The following ZFAT variants were observed in gnomAD, a reference collection of about 807,000 sequenced individuals.
ZFAT encodes the protein zinc finger protein ZFAT.
Under a neutral mutation model 117.7 loss-of-function variants are expected in ZFAT, and 64 were observed. That is an observed-to-expected ratio of 0.54 (90% CI 0.44 to 0.67). The LOEUF (loss-of-function observed/expected upper bound fraction) is 0.67, where lower values mean the gene tolerates loss of function less well. Among genes scored for constraint, ZFAT ranks in the 30% least tolerant of loss-of-function variants. The pLI is 0.00. For synonymous variants in ZFAT, 679 were observed against 615.0 expected (o/e 1.10, Z -1.54); for missense variants, 1,433 against 1,584.5 (o/e 0.90, Z 1.62).
Position 134,590,344 on chromosome 8 carries a change from AC to A in ZFAT, c.2486del (p.Ser829IlefsTer16). 1 of 1,611,000 alleles carries A rather than the reference AC, an allele frequency of 6.2e-7. No homozygotes were observed. Among genetic ancestry groups the A allele is most frequent in the Non-Finnish European group, 8.5e-7 (1 of 1,177,758 alleles). On this transcript the variant is annotated frameshift_variant, in exon 8 of 16. Coordinates refer to ENST00000377838, the MANE Select transcript of ZFAT (RefSeq NM_020863.4). LOFTEE classifies it high-confidence loss of function. ...LKVHTALDKR[S>X]YSCPVCEKSF... ...ACTTTTCACAAACAGGACAAGAATA[AC>A]TCCTTTTGTCCTTAATAGAAAGAGA... is the stretch of plus-strand genomic sequence containing the variant.
At chr8:134,752,131 C>G in the ZFAT span, among the ~76,000 whole-genome samples, 2 of 152,160 alleles carry the variant, frequency 1.3e-5, no homozygotes. Context: ...TGCATTCTTT[C>G]AGGCCTTCAT....
upstream of ZFAT, among the ~76,000 whole-genome samples, chr8:134,715,131 A>G (rs553689270): frequency 6.6e-6 from 1 of 152,304 alleles, no homozygotes; most frequent in South Asian, 2.1e-4. Flanking sequence ...CCTTTCTCAC[A>G]GCAGCGTTTA....
intron 10 of ZFAT, among the ~76,000 whole-genome samples, chr8:134,576,917 G>T (rs1825354348): frequency 6.6e-6 from 1 of 152,148 alleles, no homozygotes; most frequent in Non-Finnish European, 1.5e-5. Context: ...ATCAGGGGGA[G>T]GGGAGAGACC....
At chr8:134,629,784 C>A (rs1350706232) in intron 3 of ZFAT, among the ~76,000 whole-genome samples, 1 of 152,214 alleles carries the variant, frequency 6.6e-6, no homozygotes, top group Non-Finnish European at 1.5e-5. Context: ...ATCAATTAAA[C>A]CTTTCTTCAT....
At chr8:134,752,433 T>C in the ZFAT span, among the ~76,000 whole-genome samples, 2 of 152,314 alleles carry the variant, frequency 1.3e-5, no homozygotes, top group East Asian at 3.9e-4. Context: ...CTATTGACTG[T>C]TATTGTTCTA....
chr8:134,634,331 G>GTT (rs1427440507), intron 3 of ZFAT, among the ~76,000 whole-genome samples: 1 of 152,162 alleles, frequency 6.6e-6, no homozygotes, highest in African/African-American at 2.4e-5. Context: ...CTTTTTCAGT[G>GTT]TAACAGTCAT....
intron 1 of ZFAT, among the ~76,000 whole-genome samples, chr8:134,695,577 G>T (rs35179699): frequency 0.39 from 57,611 of 145,920 alleles, 11,236 homozygotes; most frequent in South Asian, 0.44. Flanking sequence ...AGGCCCAGGC[G>T]GCATCTCTAA....
intron 1 of ZFAT, among the ~76,000 whole-genome samples, chr8:134,702,312 G>A (rs931193091): frequency 3.9e-5 from 6 of 152,212 alleles, no homozygotes. Flanking sequence ...TCTTCAGATA[G>A]ACATAGGTTT....
At chr8:134,660,376 A>T (rs1263047221) in intron 1 of ZFAT, among the ~76,000 whole-genome samples, 3 of 152,250 alleles carry the variant, frequency 2.0e-5, no homozygotes, top group African/African-American at 7.2e-5. Flanking sequence ...AATAAAACTC[A>T]TTACAGCAAA....
intron 9 of ZFAT, 106 bp from the exon 10 acceptor site, chr8:134,584,111 T>C (rs1825899173): frequency 8.2e-7 from 1 of 1,218,450 alleles, no homozygotes; most frequent in Non-Finnish European, 1.1e-6. Context: ...CTTATAGATA[T>C]GTATATATAA....
the ZFAT span, among the ~76,000 whole-genome samples, chr8:134,753,853 A>G: frequency 6.6e-6 from 1 of 152,384 alleles, no homozygotes; most frequent in African/African-American, 2.4e-5. Flanking sequence ...CGGTGGCGTA[A>G]TTATGTGCCA....
the ZFAT span, among the ~76,000 whole-genome samples, chr8:134,721,909 A>G: frequency 1.3e-5 from 2 of 152,360 alleles, 1 homozygote; most frequent in South Asian, 4.1e-4. Flanking sequence ...AATTTGGTGT[A>G]GGAAAATTTA....
chr8:134,758,925 T>G, the ZFAT span, among the ~76,000 whole-genome samples: 1 of 152,130 alleles, frequency 6.6e-6, no homozygotes, highest in Non-Finnish European at 1.5e-5. Context: ...GCTCCACCTT[T>G]GGGGCAATGA....
chr8:134,630,359 T>A (rs1183563588), intron 3 of ZFAT, among the ~76,000 whole-genome samples: 1 of 152,232 alleles, frequency 6.6e-6, no homozygotes, highest in Admixed American at 6.5e-5. Flanking sequence ...CATTTTCACC[T>A]GCAAATTTTC....
chr8:134,705,541 T>A (rs1834128832), intron 1 of ZFAT, among the ~76,000 whole-genome samples: 1 of 151,478 alleles, frequency 6.6e-6, no homozygotes, highest in African/African-American at 2.4e-5. Flanking sequence ...TATTTTTAAT[T>A]TTTTTTGAGA....
intron 6 of ZFAT, 46 bp from the exon 7 acceptor site, chr8:134,600,714 T>A (rs765237036): frequency 7.0e-7 from 1 of 1,430,952 alleles, no homozygotes; most frequent in African/African-American, 1.5e-5. Flanking sequence ...TCATTTTGAC[T>A]GATTTTGAAT....
At chr8:134,714,592 C>G (rs1228851310), upstream of ZFAT, among the ~76,000 whole-genome samples, 1 of 152,174 alleles carries the variant, frequency 6.6e-6, no homozygotes, top group East Asian at 1.9e-4. Flanking sequence ...TGAAAAGACC[C>G]TAAAGTTGTC....
At chr8:134,501,962 C>T (rs1308341867) in intron 15 of ZFAT, among the ~76,000 whole-genome samples, 2 of 152,236 alleles carry the variant, frequency 1.3e-5, no homozygotes, top group African/African-American at 4.8e-5. Flanking sequence ...TCTCTTACAC[C>T]ACAATCTGTA....
intron 1 of ZFAT, chr8:134,696,412 C>T (rs958418191): frequency 8.1e-6 from 8 of 985,598 alleles, no homozygotes; most frequent in Middle Eastern, 5.2e-4. Flanking sequence ...AGAGTGGAAA[C>T]TCGCATCGGG....
Sources: allele counts gnomAD v4.1 joint callset (sites outside exome capture counted in the v4.1 genomes callset), GRCh38; gene constraint gnomAD v4.1.1; transcripts MANE v1.5; gene names NCBI Gene and HGNC (gene_info 2026-07-23, HGNC 2026-07-21).